The following ZC3H12B variants were observed in gnomAD, a reference collection of about 807,000 sequenced individuals.
ZC3H12B encodes zinc finger CCCH-type containing 12B.
In ZC3H12B, 7 loss-of-function variants were observed where a neutral mutation model predicts 43.9. The observed-to-expected ratio is 0.16, with a 90% CI of 0.09 to 0.30. The LOEUF (loss-of-function observed/expected upper bound fraction) is 0.30, where lower values mean the gene tolerates loss of function less well. ZC3H12B is among the 10% of genes least tolerant of loss of function. ZC3H12B has a pLI of 1.00. For missense variants in ZC3H12B, 475 were observed against 670.2 expected (o/e 0.71, Z 3.22); for synonymous variants, 222 against 241.7 (o/e 0.92, Z 0.76).
the ZC3H12B span, among the ~76,000 whole-genome samples, chrX:65,098,735 C>T: frequency 2.7e-5 from 3 of 110,932 alleles, no homozygotes; most frequent in South Asian, 7.6e-4. Flanking sequence ...TTTTGCAATC[C>T]GCAGACCAGG....
chrX:65,122,204 A>G, the ZC3H12B span, among the ~76,000 whole-genome samples: 8 of 110,781 alleles, frequency 7.2e-5, no homozygotes, highest in Non-Finnish European at 1.3e-4. Flanking sequence ...AAAGTCTACA[A>G]GCTAGAAGAG....
At chrX:65,062,198 C>A in the ZC3H12B span, among the ~76,000 whole-genome samples, 5 of 112,021 alleles carry the variant, frequency 4.5e-5, no homozygotes, top group Non-Finnish European at 9.4e-5. Flanking sequence ...CTTTTGTTGC[C>A]ATTGCTTTTG....
chrX:65,501,969 C>A (rs778016717), exon 5 of ZC3H12B: 114 of 1,208,723 alleles, frequency 9.4e-5, no homozygotes, highest in Non-Finnish European at 1.3e-4. Flanking sequence ...GGTGAGATAA[C>A]CTCAGAGGTC....
chrX:65,298,118 G>A, the ZC3H12B span, among the ~76,000 whole-genome samples: 1 of 111,805 alleles, frequency 8.9e-6, no homozygotes, highest in Non-Finnish European at 1.9e-5. Context: ...AAACCCAAAA[G>A]CAAATGCAAC....
chrX:65,424,117 C>T lies in ZC3H12B; in HGVS notation n.407+25413C>T, dbSNP rs183276038. ...CAACCCTGCATCCCAGGGATGAAGC[C>T]GACTTGATCATGGTGGATCAACTGT... On this transcript the variant is annotated intron_variant and non_coding_transcript_variant, in intron 3 of 5. Coordinates refer to the ZC3H12B transcript ENST00000617377. Among the ~76,000 whole-genome samples, 17 of 111,754 alleles carry T rather than the reference C, an allele frequency of 1.5e-4. No homozygotes were observed. In the East Asian group the frequency reaches 3.9e-3, roughly 26 times the overall value.
the ZC3H12B span, among the ~76,000 whole-genome samples, chrX:65,245,032 A>T: frequency 9.0e-6 from 1 of 111,386 alleles, no homozygotes; most frequent in Non-Finnish European, 1.9e-5. Flanking sequence ...GATTCAGATC[A>T]TCACAATCGG....
At chrX:65,308,091 C>T in the ZC3H12B span, among the ~76,000 whole-genome samples, 1 of 111,302 alleles carries the variant, frequency 9.0e-6, no homozygotes, top group Non-Finnish European at 1.9e-5. Context: ...CATGTTTTTA[C>T]ATCAGTACAT....
the ZC3H12B span, among the ~76,000 whole-genome samples, chrX:65,224,952 GACAA>G: frequency 8.9e-6 from 1 of 112,084 alleles, no homozygotes; most frequent in East Asian, 2.8e-4. Flanking sequence ...GGAGGGCACA[GACAA>G]ACAAAAAGAC....
At chrX:65,280,607 G>A in the ZC3H12B span, among the ~76,000 whole-genome samples, 1 of 111,922 alleles carries the variant, frequency 8.9e-6, no homozygotes, top group Non-Finnish European at 1.9e-5. Flanking sequence ...CCTGTTTGCA[G>A]ACAACATGGT....
At chrX:65,087,276 G>A in the ZC3H12B span, among the ~76,000 whole-genome samples, 1 of 111,349 alleles carries the variant, frequency 9.0e-6, no homozygotes, top group South Asian at 3.8e-4. Context: ...ACCCTCTACC[G>A]TGGACATCTT....
the ZC3H12B span, among the ~76,000 whole-genome samples, chrX:65,120,555 C>T: frequency 3.6e-5 from 4 of 111,390 alleles, no homozygotes; most frequent in East Asian, 2.8e-4. Context: ...TAGGCTGAGA[C>T]GATGGGGTTT....
At chrX:65,406,718 CG>C (rs1460845623) in intron 3 of ZC3H12B, among the ~76,000 whole-genome samples, 1 of 111,546 alleles carries the variant, frequency 9.0e-6, no homozygotes, top group Non-Finnish European at 1.9e-5. Flanking sequence ...GCGGCGGCGG[CG>C]GTAGGAGCGG....
chrX:65,402,104 C>A (rs1261440396), intron 3 of ZC3H12B, among the ~76,000 whole-genome samples: 4 of 111,855 alleles, frequency 3.6e-5, no homozygotes, highest in Non-Finnish European at 7.5e-5. Context: ...GGGTAAGTTG[C>A]AGGCCAGGCA....
chrX:65,092,885 T>C, the ZC3H12B span, among the ~76,000 whole-genome samples: 4 of 111,816 alleles, frequency 3.6e-5, no homozygotes, highest in African/African-American at 1.3e-4. Flanking sequence ...AATGAGGCAA[T>C]TGCTGATAAC....
chrX:65,178,581 T>C, the ZC3H12B span, among the ~76,000 whole-genome samples: 1 of 111,428 alleles, frequency 9.0e-6, no homozygotes, highest in Non-Finnish European at 1.9e-5. Flanking sequence ...AAAACAACCT[T>C]ATCAAAAAAG....
At chrX:65,121,168 A>G in the ZC3H12B span, among the ~76,000 whole-genome samples, 69 of 111,704 alleles carry the variant, frequency 6.2e-4, no homozygotes, top group African/African-American at 2.0e-3. Context: ...GCCTCATAAA[A>G]TGAGTTAGGG....
At chrX:65,213,577 G>C in the ZC3H12B span, among the ~76,000 whole-genome samples, 1 of 111,083 alleles carries the variant, frequency 9.0e-6, no homozygotes, top group Non-Finnish European at 1.9e-5. Flanking sequence ...TGTGATCTCA[G>C]TGTTGGAGAT....
At chrX:65,490,237 G>T (rs2068185047) in intron 1 of ZC3H12B, among the ~76,000 whole-genome samples, 1 of 110,393 alleles carries the variant, frequency 9.1e-6, no homozygotes, top group African/African-American at 3.3e-5. Flanking sequence ...GTAATCACAA[G>T]TGCCTTTATT....
the ZC3H12B span, among the ~76,000 whole-genome samples, chrX:65,118,772 G>A: frequency 1.8e-4 from 19 of 108,093 alleles, no homozygotes; most frequent in African/African-American, 3.4e-5. Flanking sequence ...TTTAACATTA[G>A]GTATATGTCC....
Sources: allele counts gnomAD v4.1 joint callset (sites outside exome capture counted in the v4.1 genomes callset), GRCh38; gene constraint gnomAD v4.1.1; transcripts MANE v1.5; gene names NCBI Gene and HGNC (gene_info 2026-07-23, HGNC 2026-07-21).